CSMD1: variants seen among roughly 807,000 people sequenced by gnomAD.
CSMD1 encodes CUB and sushi domain-containing protein 1.
Under a neutral mutation model 417.5 loss-of-function variants are expected in CSMD1, and 213 were observed. The ratio of observed to expected loss-of-function variants is 0.51; its 90% CI spans 0.46 to 0.57. The LOEUF is 0.57. Ranked by LOEUF, CSMD1 falls within the 20% of genes least tolerant of loss-of-function variation. The pLI is 0.00. For missense variants in CSMD1, 6,923 were observed against 4,529.7 expected (o/e 1.53, Z -15.17); for synonymous variants, 2,862 against 1,736.8 (o/e 1.65, Z -16.11).
intron 2 of CSMD1, among the ~76,000 whole-genome samples, chr8:4,483,715 G>C (rs964387107): frequency 3.3e-5 from 5 of 152,070 alleles, no homozygotes; most frequent in East Asian, 1.9e-4. Flanking sequence ...TGAAGAAAAA[G>C]AAAGGTTCAA....
rs7840475 is a variant in CSMD1, at chr8:3,075,008, G to A, written c.7474+12089C>T. Among the ~76,000 whole-genome samples, 543 of 152,188 alleles carry A rather than the reference G, an allele frequency of 3.6e-3. 3 individuals are homozygous for A. Among genetic ancestry groups the A allele is most frequent in the African/African-American group, 0.012 (513 of 41,482 alleles). Reference sequence around the variant, plus strand: ...GGCTTAGCACCTTCCTTTTGGTGCTGTCCTCATGATAGTGAGTGAGTTCTT... The same window carrying A: ...GGCTTAGCACCTTCCTTTTGGTGCTATCCTCATGATAGTGAGTGAGTTCTT... On this transcript the variant is annotated intron_variant, in intron 49 of 69. Transcript: ENST00000635120.
intron 10 of CSMD1, among the ~76,000 whole-genome samples, chr8:3,551,964 C>T (rs748957400): frequency 2.0e-5 from 3 of 152,074 alleles, no homozygotes; most frequent in Non-Finnish European, 4.4e-5. Context: ...ACTGTGGGAG[C>T]TGAGGACTGA....
intron 6 of CSMD1, among the ~76,000 whole-genome samples, chr8:3,745,972 A>C (rs992654884): frequency 6.6e-5 from 10 of 152,206 alleles, no homozygotes; most frequent in African/African-American, 2.4e-4. Context: ...GGTCAATGTA[A>C]ATGCTGAAGA....
chr8:3,097,085 A>C, intron 46 of CSMD1, 48 bp from the exon 47 acceptor site: 1 of 1,382,930 alleles, frequency 7.2e-7, no homozygotes. Flanking sequence ...AAATGATTCC[A>C]ACTGCAATAG....
At chr8:3,024,717 T>G (rs1809722746) in intron 51 of CSMD1, among the ~76,000 whole-genome samples, 1 of 152,238 alleles carries the variant, frequency 6.6e-6, no homozygotes, top group African/African-American at 2.4e-5. Flanking sequence ...CTGATACTAT[T>G]AAGTGACTTT....
At chr8:4,062,419 A>G (rs1189328822) in intron 3 of CSMD1, among the ~76,000 whole-genome samples, 2 of 152,160 alleles carry the variant, frequency 1.3e-5, no homozygotes, top group African/African-American at 4.8e-5. Context: ...GTACATACGT[A>G]TTCTAGAAAT....
intron 1 of CSMD1, among the ~76,000 whole-genome samples, chr8:4,721,835 G>A (rs968296624): frequency 2.6e-5 from 4 of 152,152 alleles, no homozygotes; most frequent in Non-Finnish European, 5.9e-5. Flanking sequence ...AGTGGAACAT[G>A]ATTCAGCTTT....
intron 19 of CSMD1, among the ~76,000 whole-genome samples, chr8:3,367,684 G>C (rs1473038157): frequency 6.6e-6 from 1 of 152,110 alleles, no homozygotes; most frequent in Non-Finnish European, 1.5e-5. Flanking sequence ...GTGCATATAA[G>C]TACAGATATG....
At chr8:3,088,394 T>G (rs1451440099) in intron 48 of CSMD1, among the ~76,000 whole-genome samples, 1 of 152,180 alleles carries the variant, frequency 6.6e-6, no homozygotes, top group Non-Finnish European at 1.5e-5. Context: ...TTAAAGAATT[T>G]TAGATCTTCC....
chr8:3,546,264 C>G lies in CSMD1; in HGVS notation c.1344+28681G>C, dbSNP rs545882512. Among the ~76,000 whole-genome samples, 112 of 111,652 alleles carry G rather than the reference C, an allele frequency of 1.0e-3. 1 individual carries two copies. The highest frequency in any genetic ancestry group is 3.9e-3 in the African/African-American group (107 of 27,212). 73.2% of individuals were successfully genotyped at this position (111,652 alleles called of 152,430 possible). Reference sequence around the variant, plus strand: ...ATGGCTGGCCACGTGAATTTTTCCTCTATTATTAAAAAAAAAATCCCAGTA... The same window carrying G: ...ATGGCTGGCCACGTGAATTTTTCCTGTATTATTAAAAAAAAAATCCCAGTA... On this transcript the variant is annotated intron_variant, in intron 10 of 69. Transcript: ENST00000635120.
At chr8:4,796,937 G>A (rs1396471337) in intron 1 of CSMD1, among the ~76,000 whole-genome samples, 1 of 152,160 alleles carries the variant, frequency 6.6e-6, no homozygotes, top group African/African-American at 2.4e-5. Flanking sequence ...GCATGGAGGG[G>A]GCAGGACAGA....
At chr8:4,202,544 G>C (rs1014887863) in intron 3 of CSMD1, among the ~76,000 whole-genome samples, 9 of 152,094 alleles carry the variant, frequency 5.9e-5, no homozygotes, top group Non-Finnish European at 1.3e-4. Flanking sequence ...TATTTGTCAG[G>C]ACATCAGCCT....
At chr8:4,274,544 C>G (rs185497900) in intron 3 of CSMD1, among the ~76,000 whole-genome samples, 44 of 152,106 alleles carry the variant, frequency 2.9e-4, no homozygotes, top group Non-Finnish European at 5.0e-4. Flanking sequence ...AGTAAGAGGT[C>G]TGTGTTTATA....
At chr8:3,964,294 C>T (rs1021717413) in intron 5 of CSMD1, among the ~76,000 whole-genome samples, 2 of 152,134 alleles carry the variant, frequency 1.3e-5, no homozygotes, top group African/African-American at 4.8e-5. Flanking sequence ...CTTTAGGGAG[C>T]GTTCCACAGT....
At chr8:3,772,722 T>TAC (rs1398731987) in intron 5 of CSMD1, among the ~76,000 whole-genome samples, 1 of 149,886 alleles carries the variant, frequency 6.7e-6, no homozygotes, top group Non-Finnish European at 1.5e-5. Flanking sequence ...TATATATATA[T>TAC]ACACACACAT....
chr8:4,415,684 C>A (rs955473706), intron 3 of CSMD1, among the ~76,000 whole-genome samples: 1 of 152,158 alleles, frequency 6.6e-6, no homozygotes, highest in Non-Finnish European at 1.5e-5. Context: ...CTGGTAGAGG[C>A]CCCGTGAATG....
At chr8:4,370,651 T>A (rs1054133959) in intron 3 of CSMD1, among the ~76,000 whole-genome samples, 1 of 152,244 alleles carries the variant, frequency 6.6e-6, no homozygotes, top group African/African-American at 2.4e-5. Flanking sequence ...TTTTTAATTT[T>A]TGTATGCTCA....
chr8:3,233,286 G>A (rs933072168), intron 26 of CSMD1, among the ~76,000 whole-genome samples: 3 of 152,120 alleles, frequency 2.0e-5, no homozygotes, highest in African/African-American at 7.2e-5. Context: ...ATCACAGGAG[G>A]GGAATTGGTG....
chr8:4,110,215 A>G (rs2130907814), intron 3 of CSMD1, among the ~76,000 whole-genome samples: 1 of 152,326 alleles, frequency 6.6e-6, no homozygotes, highest in Middle Eastern at 3.4e-3. Flanking sequence ...TAGAGAATAT[A>G]GATATGAAAT....
Sources: gnomAD v4.1 joint callset for allele counts (sites outside exome capture counted in the v4.1 genomes callset) on GRCh38, gnomAD v4.1.1 for gene constraint, MANE v1.5 for transcripts, NCBI Gene and HGNC (gene_info 2026-07-23, HGNC 2026-07-21) for gene names.